The following KSR2 variants were observed in gnomAD, a reference collection of about 807,000 sequenced individuals.
KSR2 encodes kinase suppressor of ras 2.
Under a neutral mutation model 107.8 loss-of-function variants are expected in KSR2, and 25 were observed. That is an observed-to-expected ratio of 0.23 (90% CI 0.17 to 0.32). The LOEUF (loss-of-function observed/expected upper bound fraction) is 0.32. Among genes scored for constraint, KSR2 ranks in the 10% least tolerant of loss-of-function variants. The pLI is 1.00. For missense variants in KSR2, 887 were observed against 1,268.9 expected, an observed-to-expected ratio of 0.70 and a Z score of 4.57; for synonymous variants, 480 against 507.0, an observed-to-expected ratio of 0.95 and a Z score of 0.71.
intron 4 of KSR2, among the ~76,000 whole-genome samples, chr12:117,684,678 C>A (rs1885496621): frequency 6.6e-6 from 1 of 152,176 alleles, no homozygotes; most frequent in Non-Finnish European, 1.5e-5. Flanking sequence ...CCTATGTCAG[C>A]ACCAAGTTCT....
chr12:117,689,941 T>C (rs1290292282), intron 4 of KSR2, among the ~76,000 whole-genome samples: 1 of 151,380 alleles, frequency 6.6e-6, no homozygotes, highest in Non-Finnish European at 1.5e-5. Flanking sequence ...GTGTAATGCA[T>C]GTGTGATTTG....
chr12:117,654,726 G>T (rs1334469076), intron 5 of KSR2, among the ~76,000 whole-genome samples: 1 of 152,196 alleles, frequency 6.6e-6, no homozygotes, highest in Non-Finnish European at 1.5e-5. Flanking sequence ...TATGTGGATG[G>T]AACCCTCTGA....
chr12:117,819,702 G>A (rs368258334), intron 3 of KSR2, among the ~76,000 whole-genome samples: 8 of 151,972 alleles, frequency 5.3e-5, no homozygotes, highest in Non-Finnish European at 8.8e-5. Context: ...ATAATCACTC[G>A]TTCAAAAAAC....
At chr12:117,725,761 C>G (rs931521180) in intron 4 of KSR2, among the ~76,000 whole-genome samples, 2 of 152,106 alleles carry the variant, frequency 1.3e-5, no homozygotes, top group Non-Finnish European at 2.9e-5. Flanking sequence ...GCCTGGCCAA[C>G]ATGGTGAAAC....
At chr12:117,924,431 G>T (rs1368676179) in intron 1 of KSR2, among the ~76,000 whole-genome samples, 1 of 150,912 alleles carries the variant, frequency 6.6e-6, no homozygotes, top group Non-Finnish European at 1.5e-5. Context: ...ATTTAGCTGG[G>T]CATGGTGGCA....
chr12:117,637,626 G>A (rs1240208648), intron 5 of KSR2, among the ~76,000 whole-genome samples: 1 of 150,648 alleles, frequency 6.6e-6, no homozygotes, highest in Admixed American at 6.6e-5. Flanking sequence ...CAGGTCCCTG[G>A]GAAGGCTGAT....
At chr12:117,604,171 T>C (rs1027619873) in intron 5 of KSR2, among the ~76,000 whole-genome samples, 6 of 152,162 alleles carry the variant, frequency 3.9e-5, no homozygotes, top group African/African-American at 1.4e-4. Context: ...TTCATAAATA[T>C]TCATGACTCC....
intron 3 of KSR2, among the ~76,000 whole-genome samples, chr12:117,762,958 C>T (rs1399408016): frequency 2.0e-5 from 3 of 151,944 alleles, no homozygotes; most frequent in Non-Finnish European, 4.4e-5. Context: ...GTTACATATG[C>T]ATACATGTGC....
At chr12:117,754,047 T>A in intron 4 of KSR2, among the ~76,000 whole-genome samples, 1 of 140,564 alleles carries the variant, frequency 7.1e-6, no homozygotes. Context: ...AATGCAAAAA[T>A]AAAAAGAAAG....
At chr12:117,954,186 A>T (rs971349643) in intron 1 of KSR2, among the ~76,000 whole-genome samples, 1 of 152,134 alleles carries the variant, frequency 6.6e-6, no homozygotes, top group African/African-American at 2.4e-5. Flanking sequence ...ATGAGGTAGC[A>T]CTCACCCTAA....
At chr12:117,718,797 C>T (rs552265244) in intron 4 of KSR2, among the ~76,000 whole-genome samples, 5 of 152,312 alleles carry the variant, frequency 3.3e-5, no homozygotes, top group African/African-American at 1.2e-4. Context: ...CATGCCAACA[C>T]CAGCTCTGGC....
At position 117,905,206 on chromosome 12, in the gene KSR2, A is replaced by G. The variant is rs140300954; in HGVS notation, c.181-44775T>C. ...CAAAAATAACATAACATAACAAAACAAAACAAAATATAATGTGTATTCTTC... is the reference window on the plus strand; with the variant it reads ...CAAAAATAACATAACATAACAAAACGAAACAAAATATAATGTGTATTCTTC... On this transcript the variant is annotated intron_variant, in intron 1 of 19. Transcript: ENST00000339824. Among the ~76,000 whole-genome samples, 953 of 152,274 alleles carry G rather than the reference A, an allele frequency of 6.3e-3. 9 individuals are homozygous for G. The highest frequency in any genetic ancestry group is 0.021 in the African/African-American group (888 of 41,544).
chr12:117,613,053 A>G (rs1881691984), intron 5 of KSR2, among the ~76,000 whole-genome samples: 1 of 152,206 alleles, frequency 6.6e-6, no homozygotes, highest in African/African-American at 2.4e-5. Context: ...TAGTATCTTT[A>G]TATCAGTGTG....
intron 1 of KSR2, among the ~76,000 whole-genome samples, chr12:117,930,713 C>T (rs1268051149): frequency 7.2e-5 from 11 of 152,050 alleles, no homozygotes; most frequent in Admixed American, 5.2e-4. Flanking sequence ...GTCAGGAGTT[C>T]GAGACCAGCC....
At chr12:117,480,028 A>ATGTGTGTGTGTGTG (rs55877244) in intron 16 of KSR2, among the ~76,000 whole-genome samples, 10 of 148,536 alleles carry the variant, frequency 6.7e-5, no homozygotes, top group Admixed American at 2.0e-4. Flanking sequence ...ACACATGTGT[A>ATGTGTGTGTGTGTG]TGTGTGTGTG....
intron 17 of KSR2, among the ~76,000 whole-genome samples, chr12:117,474,769 T>A (rs1871671804): frequency 6.6e-6 from 1 of 152,190 alleles, no homozygotes; most frequent in Admixed American, 6.5e-5. Context: ...AGTCCTAAAC[T>A]GCTCTTTTCT....
chr12:117,501,642 T>C (rs1873382667), intron 14 of KSR2, among the ~76,000 whole-genome samples: 1 of 152,214 alleles, frequency 6.6e-6, no homozygotes, highest in Admixed American at 6.5e-5. Context: ...AAGGTTCTGC[T>C]TAGGAGTGAG....
At chr12:117,960,526 T>C (rs1896630220) in intron 1 of KSR2, among the ~76,000 whole-genome samples, 1 of 152,148 alleles carries the variant, frequency 6.6e-6, no homozygotes, top group Non-Finnish European at 1.5e-5. Context: ...AGTGAGGCAC[T>C]GTAGCCAACC....
rs138045734 is a variant in KSR2 at position 117,737,095 on chromosome 12, T to C, written c.986+23916A>G. ...CCTGTGTGGCCTCATGAGTGTTTGA[T>C]CCACACTGGAAAATTCAATCCAATC... On this transcript the variant is annotated intron_variant, in intron 4 of 19. Transcript: ENST00000339824. Among the ~76,000 whole-genome samples the C allele has an allele frequency of 2.9e-3, 447 of 152,336 alleles. 3 individuals are homozygous for C. The highest frequency in any genetic ancestry group is 9.7e-3 in the African/African-American group (404 of 41,590).
Sources: gnomAD v4.1 joint callset for allele counts (sites outside exome capture counted in the v4.1 genomes callset) on GRCh38, gnomAD v4.1.1 for gene constraint, MANE v1.5 for transcripts, NCBI Gene and HGNC (gene_info 2026-07-23, HGNC 2026-07-21) for gene names.